The following RELCH variants were observed in gnomAD, a reference collection of about 807,000 sequenced individuals.
RELCH encodes the protein RAB11 binding and LisH domain, coiled-coil and HEAT repeat containing.
RELCH carries 41 observed loss-of-function variants against 150.3 expected under a neutral mutation model. The observed-to-expected ratio is 0.27, with a 90% confidence interval of 0.21 to 0.35. The LOEUF (loss-of-function observed/expected upper bound fraction) is 0.35. Among genes scored for constraint, RELCH ranks in the 10% least tolerant of loss-of-function variants. The pLI is 1.00. For missense variants in RELCH, 1,092 were observed against 1,467.8 expected, an observed-to-expected ratio of 0.74 and a Z score of 4.18; for synonymous variants, 478 against 531.8, an observed-to-expected ratio of 0.90 and a Z score of 1.39.
At chr18:62,222,377 A>G (rs2040933189) in intron 5 of RELCH, among the ~76,000 whole-genome samples, 1 of 151,954 alleles carries the variant, frequency 6.6e-6, no homozygotes, top group African/African-American at 2.4e-5. Flanking sequence ...ATACAATGCT[A>G]TACTATGGTT....
At chr18:62,211,559 T>C (rs747309588) in intron 2 of RELCH, among the ~76,000 whole-genome samples, 6 of 152,126 alleles carry the variant, frequency 3.9e-5, no homozygotes, top group Non-Finnish European at 7.4e-5. Flanking sequence ...CCTCATTCCT[T>C]TGATCCTCCA....
chr18:62,232,224 A>G (rs2041626910), intron 9 of RELCH, 108 bp from the exon 10 acceptor site: 1 of 627,028 alleles, frequency 1.6e-6, no homozygotes, highest in African/African-American at 1.8e-5. Context: ...AAAATATTGG[A>G]ATGTGTGTTT....
At chr18:62,284,583 T>G (rs928937255) in intron 25 of RELCH, among the ~76,000 whole-genome samples, 4 of 152,178 alleles carry the variant, frequency 2.6e-5, no homozygotes, top group Admixed American at 1.3e-4. Flanking sequence ...AGGAATTTAG[T>G]ACTCTATATT....
At chr18:62,214,946 GGC>G (rs1473914714) in intron 2 of RELCH, among the ~76,000 whole-genome samples, 3 of 152,102 alleles carry the variant, frequency 2.0e-5, no homozygotes, top group Non-Finnish European at 4.4e-5. Flanking sequence ...GCTCTGCAAT[GGC>G]TTCAAGGTCT....
chr18:62,204,684 A>G (rs543411702), intron 1 of RELCH, among the ~76,000 whole-genome samples: 14 of 152,238 alleles, frequency 9.2e-5, no homozygotes, highest in Admixed American at 4.6e-4. Flanking sequence ...TGATAACCCA[A>G]TGGTTTATTC....
chr18:62,276,996 A>T (rs964486978), intron 22 of RELCH, among the ~76,000 whole-genome samples: 11 of 152,100 alleles, frequency 7.2e-5, no homozygotes, highest in African/African-American at 2.4e-4. Context: ...TTAAATGAAG[A>T]GCTATTTCTT....
At position 62,305,680 on chromosome 18, in the gene RELCH, C is replaced by A; in HGVS notation, c.*146C>A. 1 of 742,656 alleles carries A rather than the reference C, an allele frequency of 1.3e-6. No individual in the cohort carries two copies. Among genetic ancestry groups the A allele is most frequent in the Non-Finnish European group, 2.0e-6 (1 of 495,604 alleles). 46.0% of individuals were successfully genotyped at this position (742,656 alleles called of 1,614,324 possible). A position where few individuals can be genotyped will look rare whatever the true frequency, so the allele number is the denominator to read the frequency against. ...CTAACCTCCAAAGATATTTGCACTG[C>A]TTTTAATTACTGCTGTATATTTGTT... On this transcript the variant is annotated 3_prime_UTR_variant, in exon 29 of 29. Coordinates refer to ENST00000644646, the MANE Select transcript of RELCH (RefSeq NM_001346231.2). This position sits in a 1 kb window ranked among gnomAD's most constrained non-coding sequence, Gnocchi z 4.0.
At chr18:62,304,088 G>A (rs761425172) in intron 28 of RELCH, among the ~76,000 whole-genome samples, 13 of 152,174 alleles carry the variant, frequency 8.5e-5, no homozygotes, top group Non-Finnish European at 1.9e-4. Context: ...AAAAAGAGGG[G>A]GGAGTTAAAA....
chr18:62,191,339 T>C (rs1316631481), intron 1 of RELCH, among the ~76,000 whole-genome samples: 3 of 152,218 alleles, frequency 2.0e-5, no homozygotes, highest in Non-Finnish European at 4.4e-5. Context: ...TCTATTTCCC[T>C]GATGACTAAT....
At chr18:62,245,516 C>A (rs1269798305) in intron 11 of RELCH, among the ~76,000 whole-genome samples, 3 of 152,050 alleles carry the variant, frequency 2.0e-5, no homozygotes, top group Non-Finnish European at 2.9e-5. Context: ...ATCCCAGCTA[C>A]TCAGGAGGCT....
intron 11 of RELCH, among the ~76,000 whole-genome samples, chr18:62,248,884 A>G (rs532265213): frequency 6.6e-6 from 1 of 152,238 alleles, no homozygotes; most frequent in African/African-American, 2.4e-5. Context: ...AGAAAGCTGA[A>G]TGGGTTTTGA....
chr18:62,275,338 C>G (rs2044141777), intron 21 of RELCH, 36 bp from the exon 22 acceptor site: 5 of 1,188,270 alleles, frequency 4.2e-6, no homozygotes, highest in Non-Finnish European at 5.9e-6. Flanking sequence ...GACTGTGGCT[C>G]TCAATTTTAA....
rs561354091 is a variant in RELCH, at chr18:62,216,323, T to C, written c.617-4714T>C. Among the ~76,000 whole-genome samples the C allele has an allele frequency of 9.6e-4, 146 of 152,250 alleles. 1 individual carries two copies. The highest frequency in any genetic ancestry group is 3.4e-3 in the African/African-American group (142 of 41,566). On this transcript the variant is annotated intron_variant, in intron 2 of 28. Coordinates refer to ENST00000644646, the MANE Select transcript of RELCH (RefSeq NM_001346231.2). ...CATAACAGATACAAGTTCAGTACGT[T>C]GGAAATGGTAATAGAGACCTTGTTG...
Position 62,257,957 on chromosome 18 carries a change from C to T in RELCH, c.1906C>T (p.Arg636Cys), listed in dbSNP as rs1222086331. ...ACATGTTTATTTTCAGAAAGAAATCCGTAGCTCCTTGGTTCTTTCAATGTT... is the reference window on the plus strand; with the variant it reads ...ACATGTTTATTTTCAGAAAGAAATCTGTAGCTCCTTGGTTCTTTCAATGTT... ...ALAPYLPKEI[R>C]SSLVLSMLQQ... Residue 636 changes from arginine to cysteine, a missense_variant, in exon 14 of 29, where the codon CGT becomes TGT. Physicochemically the swap from Arg to Cys is radical, Grantham distance 180. Around this residue, in one of 4 missense-constraint regions of RELCH, gnomAD observed 707 missense variants for 1,025.4 expected, o/e 0.69. Transcript: ENST00000644646. 4 of 1,590,880 alleles carry T rather than the reference C, an allele frequency of 2.5e-6. No individual in the cohort carries two copies. The highest frequency in any genetic ancestry group is 2.6e-6 in the Non-Finnish European group (3 of 1,170,334).
intron 1 of RELCH, among the ~76,000 whole-genome samples, chr18:62,191,894 C>A (rs889335025): frequency 6.6e-6 from 1 of 152,142 alleles, no homozygotes; most frequent in Non-Finnish European, 1.5e-5. Context: ...GATTTACATT[C>A]CTTTGGGCAT....
At chr18:62,275,103 G>T (rs1305796702) in intron 21 of RELCH, among the ~76,000 whole-genome samples, 1 of 152,136 alleles carries the variant, frequency 6.6e-6, no homozygotes, top group Non-Finnish European at 1.5e-5. Flanking sequence ...TTTTAGTAGA[G>T]ACAGGGTTTC....
At chr18:62,255,557 T>A in intron 13 of RELCH, 79 bp downstream of exon 13, 6 of 982,008 alleles carry the variant, frequency 6.1e-6, no homozygotes, top group Non-Finnish European at 9.3e-6. Context: ...TTATAGATTT[T>A]AATCCAAATG....
At position 62,308,517 on chromosome 18, in the gene RELCH, C is replaced by G. The variant is rs1030911102; in HGVS notation, c.*2983C>G. ...GACGAATCACTTGAGGTCAGTAGTT[C>G]AAGACCAGCCTGGCCAACGTGGTGA... On this transcript the variant is annotated 3_prime_UTR_variant, in exon 29 of 29. Coordinates refer to ENST00000644646, the MANE Select transcript of RELCH (RefSeq NM_001346231.2). 2 of 151,962 alleles carry G rather than the reference C, an allele frequency of 1.3e-5. No individual in the cohort carries two copies. The highest frequency in any genetic ancestry group is 4.8e-5 in the African/African-American group (2 of 41,334). The allele number at this position is 151,962 out of a possible 1,614,324, so 9.4% of individuals were successfully genotyped here.
intron 10 of RELCH, among the ~76,000 whole-genome samples, chr18:62,232,673 C>G (rs962211311): frequency 7.2e-5 from 11 of 152,066 alleles, no homozygotes; most frequent in African/African-American, 2.4e-4. Flanking sequence ...TTCTGCAGCA[C>G]TAACTATTAC....
Sources: allele counts gnomAD v4.1 joint callset (sites outside exome capture counted in the v4.1 genomes callset), GRCh38; gene constraint gnomAD v4.1.1; regional missense constraint gnomAD v4.1.1; non-coding constraint Gnocchi (gnomAD v3.1); transcripts MANE v1.5; gene names NCBI Gene and HGNC (gene_info 2026-07-23, HGNC 2026-07-21).